The following B3GALT1 variants were observed in gnomAD, a reference collection of about 807,000 sequenced individuals.
B3GALT1 encodes beta-1,3-galactosyltransferase 1, also known as UDP-Gal:betaGlcNAc beta 1,3-galactosyltransferase, polypeptide 1.
B3GALT1 carries 10 observed loss-of-function variants against 23.2 expected under a neutral mutation model. That is an observed-to-expected ratio of 0.43 (90% CI 0.27 to 0.73). The LOEUF is 0.73. Ranked by LOEUF, B3GALT1 falls within the 30% of genes least tolerant of loss-of-function variation. The pLI is 0.21. For synonymous variants in B3GALT1, 156 were observed against 141.5 expected (o/e 1.10, Z -0.73); for missense variants, 299 against 405.4 (o/e 0.74, Z 2.25).
At chr2:167,475,533 G>A (rs1245553038) in intron 1 of B3GALT1, among the ~76,000 whole-genome samples, 1 of 151,894 alleles carries the variant, frequency 6.6e-6, no homozygotes, top group Non-Finnish European at 1.5e-5. Context: ...TTGTGAAGAA[G>A]GAAAAAGAAA....
chr2:167,594,699 G>T (rs1684745884), intron 2 of B3GALT1, among the ~76,000 whole-genome samples: 2 of 152,146 alleles, frequency 1.3e-5, no homozygotes, highest in African/African-American at 4.8e-5. Context: ...GATCACCTGA[G>T]GTCATGAGTT....
intron 1 of B3GALT1, among the ~76,000 whole-genome samples, chr2:167,419,306 G>T (rs1447099306): frequency 6.6e-6 from 1 of 152,182 alleles, no homozygotes; most frequent in Admixed American, 6.5e-5. Flanking sequence ...AGTAAATGAG[G>T]TATTAGAGTT....
At chr2:167,630,095 T>A (rs929451210) in intron 2 of B3GALT1, among the ~76,000 whole-genome samples, 7 of 151,774 alleles carry the variant, frequency 4.6e-5, no homozygotes, top group South Asian at 2.1e-4. Context: ...CTCTCTAACC[T>A]CCATGTTCTT....
chr2:167,562,254 C>G (rs1420715883), intron 2 of B3GALT1, among the ~76,000 whole-genome samples: 2 of 152,212 alleles, frequency 1.3e-5, no homozygotes, highest in Non-Finnish European at 2.9e-5. Context: ...CAAAATTCAA[C>G]AACCCTTCAT....
chr2:167,524,701 C>T (rs1177172706), intron 2 of B3GALT1, among the ~76,000 whole-genome samples: 1 of 152,190 alleles, frequency 6.6e-6, no homozygotes, highest in Admixed American at 6.6e-5. Context: ...TGCCATCAGA[C>T]AGTACTTCTC....
At chr2:167,564,432 G>A (rs962567997) in intron 2 of B3GALT1, among the ~76,000 whole-genome samples, 25 of 147,388 alleles carry the variant, frequency 1.7e-4, no homozygotes, top group Admixed American at 6.7e-4. Flanking sequence ...GCGGCCAGGC[G>A]GAGACGCTCC....
At chr2:167,807,043 G>A (rs1270129252) in intron 3 of B3GALT1, among the ~76,000 whole-genome samples, 1 of 152,174 alleles carries the variant, frequency 6.6e-6, no homozygotes, top group East Asian at 1.9e-4. Flanking sequence ...TTAGTCTTGG[G>A]AGGGTGTATG....
chr2:167,622,835 A>G (rs989837131), intron 2 of B3GALT1, among the ~76,000 whole-genome samples: 7 of 152,118 alleles, frequency 4.6e-5, no homozygotes, highest in African/African-American at 1.7e-4. Flanking sequence ...GGTAGAACCT[A>G]GGGCATTCAG....
intron 4 of B3GALT1, among the ~76,000 whole-genome samples, chr2:167,835,553 C>T (rs1226014686): frequency 6.6e-6 from 1 of 152,244 alleles, no homozygotes; most frequent in Non-Finnish European, 1.5e-5. Flanking sequence ...GTGGAGCCCA[C>T]CACAGCTCAA....
chr2:167,810,968 T>A (rs1027864162), intron 3 of B3GALT1, among the ~76,000 whole-genome samples: 2 of 152,158 alleles, frequency 1.3e-5, no homozygotes, highest in Non-Finnish European at 2.9e-5. Flanking sequence ...TGCCTAAACA[T>A]CAGAGAAGTT....
At chr2:167,601,704 C>T (rs1246122200) in intron 2 of B3GALT1, among the ~76,000 whole-genome samples, 1 of 152,138 alleles carries the variant, frequency 6.6e-6, no homozygotes. Context: ...TAGAAAAAGC[C>T]CATATGGCTC....
intron 1 of B3GALT1, among the ~76,000 whole-genome samples, chr2:167,482,007 A>G (rs1320029977): frequency 1.3e-5 from 2 of 152,184 alleles, no homozygotes; most frequent in Admixed American, 6.5e-5. Context: ...AAACAATTAA[A>G]ACATATTTCC....
intron 2 of B3GALT1, among the ~76,000 whole-genome samples, chr2:167,507,280 G>A (rs1483863446): frequency 6.6e-6 from 1 of 151,906 alleles, no homozygotes; most frequent in Admixed American, 6.6e-5. Flanking sequence ...GCCGAGGCAG[G>A]TGGATCATGA....
intron 1 of B3GALT1, among the ~76,000 whole-genome samples, chr2:167,461,084 G>T (rs1247308509): frequency 1.3e-5 from 2 of 152,138 alleles, no homozygotes; most frequent in African/African-American, 2.4e-5. Flanking sequence ...ATACAGCAAT[G>T]GCCACTCATT....
intron 3 of B3GALT1, among the ~76,000 whole-genome samples, chr2:167,667,853 AT>A (rs1686233598): frequency 6.6e-6 from 1 of 152,122 alleles, no homozygotes; most frequent in Non-Finnish European, 1.5e-5. Flanking sequence ...ATTCTTCTAA[AT>A]TTTTTTGAAA....
At chr2:167,739,945 A>C (rs549898066) in intron 3 of B3GALT1, among the ~76,000 whole-genome samples, 21 of 150,326 alleles carry the variant, frequency 1.4e-4, no homozygotes, top group African/African-American at 3.9e-4. Flanking sequence ...CAAACAAAAA[A>C]AAAAAAATCT....
intron 3 of B3GALT1, among the ~76,000 whole-genome samples, chr2:167,760,148 G>T (rs1163370001): frequency 6.6e-6 from 1 of 152,072 alleles, no homozygotes; most frequent in South Asian, 2.1e-4. Flanking sequence ...TTTACTCCAT[G>T]TAAAAAAAAT....
intron 4 of B3GALT1, among the ~76,000 whole-genome samples, chr2:167,853,738 AAATT>A (rs1261858907): frequency 1.3e-5 from 2 of 152,318 alleles, no homozygotes; most frequent in African/African-American, 4.8e-5. Context: ...TTATAAATAA[AAATT>A]AACACATCAC....
At chr2:167,818,006 A>G (rs1417186386) in intron 3 of B3GALT1, among the ~76,000 whole-genome samples, 1 of 152,132 alleles carries the variant, frequency 6.6e-6, no homozygotes, top group Non-Finnish European at 1.5e-5. Flanking sequence ...TGAATGAACC[A>G]AATGTCTTTG....
Sources: gnomAD v4.1 joint callset for allele counts (sites outside exome capture counted in the v4.1 genomes callset) on GRCh38, gnomAD v4.1.1 for gene constraint, MANE v1.5 for transcripts, NCBI Gene and HGNC (gene_info 2026-07-23, HGNC 2026-07-21) for gene names.